Variants in ASPHD1 observed in about 807,000 individuals in gnomAD.
ASPHD1 encodes the protein aspartate beta-hydroxylase domain-containing protein 1.
ASPHD1 carries 20 observed loss-of-function variants against 28.3 expected under a neutral mutation model. That is an observed-to-expected ratio of 0.71 (90% CI 0.50 to 1.03). The LOEUF (loss-of-function observed/expected upper bound fraction) is 1.03, where lower values mean the gene tolerates loss of function less well. Among genes scored for constraint, ASPHD1 ranks in the 50% least tolerant of loss-of-function variants. ASPHD1 has a pLI of 0.00. For missense variants in ASPHD1, 479 were observed against 524.1 expected (o/e 0.91, Z 0.84); for synonymous variants, 240 against 221.2 (o/e 1.08, Z -0.75).
At chr16:29,910,497 A>T (rs2068688548), downstream of ASPHD1, among the ~76,000 whole-genome samples, 1 of 152,030 alleles carries the variant, frequency 6.6e-6, no homozygotes, top group Non-Finnish European at 1.5e-5. Flanking sequence ...GCATGCCATC[A>T]TGTCACCAAG....
chr16:29,909,451 GGCTCATAGTAA>G (rs2068667549), downstream of ASPHD1, among the ~76,000 whole-genome samples: 1 of 152,188 alleles, frequency 6.6e-6, no homozygotes, highest in Non-Finnish European at 1.5e-5. Context: ...TGAGGCATGT[GGCTCATAGTAA>G]GCTCGGAAGG....
At chr16:29,917,714 G>A (rs937503667) in intron 3 of ASPHD1, among the ~76,000 whole-genome samples, 6 of 152,202 alleles carry the variant, frequency 3.9e-5, no homozygotes, top group African/African-American at 1.4e-4. Flanking sequence ...GGGAGGCAGA[G>A]GTTGCAGTGA....
chr16:29,918,948 G>GTGCC (rs1474687765), intron 3 of ASPHD1, among the ~76,000 whole-genome samples: 2 of 152,034 alleles, frequency 1.3e-5, no homozygotes, highest in African/African-American at 4.8e-5. Context: ...ATGAGCCACC[G>GTGCC]CACCTGGCAT....
chr16:29,910,396 C>T (rs2068686330), downstream of ASPHD1, among the ~76,000 whole-genome samples: 1 of 150,900 alleles, frequency 6.6e-6, no homozygotes, highest in South Asian at 2.1e-4. Context: ...GACTCCATCT[C>T]AAATAATAAT....
chr16:29,913,836 TTTTTTA>T (rs1283955093), intron 3 of ASPHD1: 2 of 152,272 alleles, frequency 1.3e-5, no homozygotes, highest in Non-Finnish European at 2.9e-5. Context: ...CCTCATTGTC[TTTTTTA>T]TTTTTGAGAT....
intron 3 of ASPHD1, chr16:29,911,109 C>T (rs779703694): frequency 1.2e-5 from 19 of 1,614,028 alleles, no homozygotes; most frequent in African/African-American, 1.1e-4. Context: ...AGTAGCCGCC[C>T]GTGGAAGCGC....
chr16:29,917,880 G>A (rs1330265755), intron 3 of ASPHD1, among the ~76,000 whole-genome samples: 1 of 151,950 alleles, frequency 6.6e-6, no homozygotes, highest in Non-Finnish European at 1.5e-5. Flanking sequence ...CCTGGGAGGT[G>A]GAGGTTGCAG....
At chr16:29,911,104 C>T (rs376963492) in intron 3 of ASPHD1, 62 of 1,614,148 alleles carry the variant, frequency 3.8e-5, no homozygotes, top group Non-Finnish European at 5.1e-5. Context: ...GGAAGAGTAG[C>T]CGCCCGTGGA....
At chr16:29,911,918 C>T (rs376279935) in intron 3 of ASPHD1, 2 of 1,607,072 alleles carry the variant, frequency 1.2e-6, no homozygotes, top group Non-Finnish European at 1.7e-6. Flanking sequence ...AGGGAGAGGC[C>T]CCCCCAGTGA....
In ASPHD1 at chr16:29,901,311, G is replaced by A. The variant is rs2150827282; in HGVS notation, c.340G>A (p.Gly114Ser). The A allele has an allele frequency of 6.2e-7, 1 of 1,610,820 alleles. No homozygotes were observed. The highest frequency in any genetic ancestry group is 8.5e-7 in the Non-Finnish European group (1 of 1,179,192). Residue 114 changes from glycine (G) to serine (S), a missense_variant, in exon 1 of 3, where the codon GGT (glycine) becomes AGT (serine). By Grantham distance (56) the Gly-to-Ser change is moderately conservative. Coordinates refer to ENST00000308748, the MANE Select transcript of ASPHD1 (RefSeq NM_181718.4). This position sits in a 1 kb window ranked among gnomAD's most constrained non-coding sequence, Gnocchi z 5.1. The stretch of plus-strand genomic sequence containing the variant: ...CCTAGGGGCTGGGAGCCGAGCTGGG[G>A]GTGTTCGTGGTGGGCCTGTGGGATG... ...QALGAGSRAG[G>S]VRGGPVGCSE...
At chr16:29,906,129 T>G, downstream of ASPHD1, 2 of 337,226 alleles carry the variant, frequency 5.9e-6, no homozygotes, top group Non-Finnish European at 1.1e-5. Context: ...ACCAAACAGG[T>G]ACCTCCTTTT....
In ASPHD1 at chr16:29,901,223, C is replaced by CG. The variant is rs775183731; in HGVS notation, c.256dup (p.Ala86GlyfsTer56). 2 of 1,613,772 alleles carry CG rather than the reference C, an allele frequency of 1.2e-6. No individual in the cohort carries two copies. Among genetic ancestry groups the CG allele is most frequent in the South Asian group, 2.2e-5 (2 of 91,074 alleles). ...CCTCCTCGGCCCTCACCTTGCTCTTCGGGGCCCTCACTTCCCTGTTCCTCT... is the reference window on the plus strand; with the variant it reads ...CCTCCTCGGCCCTCACCTTGCTCTTCGGGGGCCCTCACTTCCCTGTTCCTCT... On this transcript the variant is annotated frameshift_variant, in exon 1 of 3. Coordinates refer to ENST00000308748, the MANE Select transcript of ASPHD1 (RefSeq NM_181718.4). LOFTEE classifies it high-confidence loss of function. The surrounding 1 kb of genome is among the most constrained non-coding windows in gnomAD (Gnocchi z 5.1).
intron 3 of ASPHD1, among the ~76,000 whole-genome samples, chr16:29,916,059 G>C (rs993458890): frequency 1.3e-5 from 2 of 152,026 alleles, no homozygotes; most frequent in Non-Finnish European, 1.5e-5. Context: ...AAGCTCCTTA[G>C]CTAGACCATC....
At chr16:29,904,988 G>T (rs2068588553) in intron 2 of ASPHD1, 23 bp downstream of exon 2, 2 of 1,552,292 alleles carry the variant, frequency 1.3e-6, no homozygotes, top group African/African-American at 2.7e-5. Flanking sequence ...CCATTCTGCA[G>T]GGGGGATGAG....
chr16:29,902,539 G>C (rs904772746), intron 1 of ASPHD1, among the ~76,000 whole-genome samples: 2 of 152,136 alleles, frequency 1.3e-5, no homozygotes, highest in Non-Finnish European at 2.9e-5. Context: ...GAGGAGTCTC[G>C]CTCTGTCGCC....
intron 3 of ASPHD1, chr16:29,912,173 G>A: frequency 2.9e-6 from 2 of 692,710 alleles, no homozygotes; most frequent in Non-Finnish European, 5.0e-6. Flanking sequence ...GGCTCTGCAG[G>A]CTCCAAGCTC....
downstream of ASPHD1, among the ~76,000 whole-genome samples, chr16:29,909,389 A>G (rs1014201662): frequency 3.3e-5 from 5 of 152,160 alleles, no homozygotes; most frequent in Non-Finnish European, 4.4e-5. Context: ...CAGAGGTAAG[A>G]GGTAAGAAAT....
chr16:29,907,033 G>A (rs2150831551), downstream of ASPHD1: 1 of 1,614,120 alleles, frequency 6.2e-7, no homozygotes, highest in Non-Finnish European at 8.5e-7. Flanking sequence ...AGGAGGGCTG[G>A]GTCTGGGCCC....
In ASPHD1 at chr16:29,901,032, G is replaced by A; in HGVS notation, c.61G>A (p.Ala21Thr). ...AGGACCGCGGAAGGAGAGAGAGACAGCCCAGAGTGGAATGTGGAAGGGAAA... is the reference window on the plus strand; with the variant it reads ...AGGACCGCGGAAGGAGAGAGAGACAACCCAGAGTGGAATGTGGAAGGGAAA... ...ERGPRKERET[A>T]QSGMWKGNSP... Residue 21 changes from alanine to threonine, a missense_variant, in exon 1 of 3, where the codon GCC (alanine) becomes ACC (threonine). Coordinates refer to ENST00000308748, the MANE Select transcript of ASPHD1 (RefSeq NM_181718.4). The surrounding 1 kb of genome is among the most constrained non-coding windows in gnomAD (Gnocchi z 5.1). The A allele has an allele frequency of 6.3e-7, 1 of 1,583,834 alleles. No individual in the cohort carries two copies. The highest frequency in any genetic ancestry group is 1.1e-5 in the South Asian group (1 of 87,762).
Sources: gnomAD v4.1 joint callset for allele counts (sites outside exome capture counted in the v4.1 genomes callset) on GRCh38, gnomAD v4.1.1 for gene constraint, Gnocchi (gnomAD v3.1) non-coding constraint, MANE v1.5 for transcripts, NCBI Gene and HGNC (gene_info 2026-07-23, HGNC 2026-07-21) for gene names.